The following NKAIN3 variants were observed in gnomAD, a reference collection of about 807,000 sequenced individuals.
NKAIN3 encodes sodium/potassium transporting ATPase interacting 3, also known as sodium/potassium-transporting ATPase subunit beta-1-interacting protein 3.
In NKAIN3, 25 loss-of-function variants were observed where a neutral mutation model predicts 30.2. The ratio of observed to expected loss-of-function variants is 0.83; its 90% confidence interval spans 0.60 to 1.16. NKAIN3 has a LOEUF of 1.16. Among genes scored for constraint, NKAIN3 ranks in the 50% most tolerant of loss-of-function variants. The probability of loss-of-function intolerance (pLI) is 0.00; values close to 1 mark genes in which losing one functional copy is unlikely to be tolerated. For missense variants in NKAIN3, 225 were observed against 254.1 expected, an observed-to-expected ratio of 0.89 and a Z score of 0.78; for synonymous variants, 91 against 89.6, an observed-to-expected ratio of 1.02 and a Z score of -0.09.
chr8:62,844,616 A>G (rs1469488949), intron 4 of NKAIN3, among the ~76,000 whole-genome samples: 1 of 152,196 alleles, frequency 6.6e-6, no homozygotes, highest in Non-Finnish European at 1.5e-5. Context: ...ACAGATATTG[A>G]TAGTTGAGCC....
intron 1 of NKAIN3, among the ~76,000 whole-genome samples, chr8:62,402,860 G>GTAAC (rs1233861753): frequency 2.0e-5 from 3 of 152,196 alleles, no homozygotes; most frequent in Non-Finnish European, 4.4e-5. Context: ...TTGGAACTGG[G>GTAAC]TAACAGGCAG....
intron 1 of NKAIN3, among the ~76,000 whole-genome samples, chr8:62,301,009 G>A (rs946372167): frequency 1.3e-5 from 2 of 152,032 alleles, no homozygotes; most frequent in African/African-American, 2.4e-5. Flanking sequence ...ACTATGAACA[G>A]AAGACTATCA....
intron 5 of NKAIN3, among the ~76,000 whole-genome samples, chr8:62,991,476 GA>G (rs1229383937): frequency 6.6e-5 from 10 of 152,320 alleles, no homozygotes; most frequent in Non-Finnish European, 1.2e-4. Context: ...AATCCTTTGA[GA>G]ATATACAGAT....
intron 1 of NKAIN3, among the ~76,000 whole-genome samples, chr8:62,481,939 A>T (rs1241143031): frequency 1.3e-5 from 2 of 152,184 alleles, no homozygotes; most frequent in Non-Finnish European, 2.9e-5. Flanking sequence ...TGGCCACAGT[A>T]GCTCACCAGC....
intron 4 of NKAIN3, among the ~76,000 whole-genome samples, chr8:62,769,958 G>A (rs1412015773): frequency 6.6e-6 from 1 of 152,140 alleles, no homozygotes. Context: ...TCCCCTTATA[G>A]TACTCATGCC....
chr8:62,404,638 C>G (rs184197848), intron 1 of NKAIN3, among the ~76,000 whole-genome samples: 83 of 152,260 alleles, frequency 5.5e-4, no homozygotes, highest in African/African-American at 1.9e-3. Flanking sequence ...CATGGAGCCT[C>G]CCCTGCCCTG....
chr8:62,888,056 G>A (rs1012985353), intron 4 of NKAIN3, among the ~76,000 whole-genome samples: 6 of 152,120 alleles, frequency 3.9e-5, no homozygotes, highest in African/African-American at 1.4e-4. Flanking sequence ...TTACAGCCTT[G>A]CGATTAAGTC....
intron 1 of NKAIN3, among the ~76,000 whole-genome samples, chr8:62,450,121 A>G (rs1327385173): frequency 6.6e-6 from 1 of 152,218 alleles, no homozygotes; most frequent in Non-Finnish European, 1.5e-5. Context: ...AACAAAATCC[A>G]TCTAGATTTA....
At chr8:62,788,592 G>T (rs1817600006) in intron 4 of NKAIN3, among the ~76,000 whole-genome samples, 1 of 152,118 alleles carries the variant, frequency 6.6e-6, no homozygotes, top group Non-Finnish European at 1.5e-5. Flanking sequence ...TGGTGTTTTA[G>T]ACATGAAGTC....
intron 1 of NKAIN3, among the ~76,000 whole-genome samples, chr8:62,297,815 A>G (rs1463626174): frequency 1.3e-5 from 2 of 152,200 alleles, no homozygotes; most frequent in African/African-American, 2.4e-5. Flanking sequence ...CAGCCATCCC[A>G]TTACTGGGTA....
At chr8:62,492,672 A>G (rs537877278) in intron 1 of NKAIN3, among the ~76,000 whole-genome samples, 2 of 152,276 alleles carry the variant, frequency 1.3e-5, no homozygotes, top group South Asian at 4.1e-4. Flanking sequence ...TTTTCTACCA[A>G]TTTTGAAATT....
intron 2 of NKAIN3, among the ~76,000 whole-genome samples, chr8:62,585,329 C>T (rs917343178): frequency 1.3e-5 from 2 of 152,150 alleles, no homozygotes; most frequent in Admixed American, 1.3e-4. Context: ...CTTCCAGGTA[C>T]CATCACACTA....
chr8:62,889,296 G>T (rs1821232569), intron 4 of NKAIN3, among the ~76,000 whole-genome samples: 1 of 152,014 alleles, frequency 6.6e-6, no homozygotes, highest in Non-Finnish European at 1.5e-5. Context: ...CTTGAACCTG[G>T]GAGGCGGAGG....
At position 62,378,897 on chromosome 8, in the gene NKAIN3, A is replaced by G. The variant is rs1384320624; in HGVS notation, c.54+129770A>G. Among the ~76,000 whole-genome samples the G allele has an allele frequency of 2.6e-5, 4 of 152,156 alleles. No homozygotes were observed. In the South Asian group the frequency reaches 6.2e-4, roughly 24 times the overall value. On this transcript the variant is annotated intron_variant, in intron 1 of 6. Coordinates refer to ENST00000623646, the MANE Select transcript of NKAIN3 (RefSeq NM_001304533.3). ...GTGGAACTCTGAGAAGAGGGCCATC[A>G]TCCTCCAGAGCCCAGAATGGTAGAT...
At chr8:62,918,824 T>G (rs1380777273) in intron 5 of NKAIN3, among the ~76,000 whole-genome samples, 1 of 152,184 alleles carries the variant, frequency 6.6e-6, no homozygotes, top group Non-Finnish European at 1.5e-5. Flanking sequence ...AGTCAGCGGT[T>G]GTTTTACCTA....
chr8:62,881,760 G>A (rs562557725), intron 4 of NKAIN3, among the ~76,000 whole-genome samples: 122 of 152,318 alleles, frequency 8.0e-4, no homozygotes, highest in African/African-American at 2.9e-3. Flanking sequence ...CAAAAGGCGT[G>A]ATTGCTGGAT....
intron 3 of NKAIN3, among the ~76,000 whole-genome samples, chr8:62,594,313 A>G (rs1382938171): frequency 6.6e-6 from 1 of 152,020 alleles, no homozygotes; most frequent in African/African-American, 2.4e-5. Context: ...TTAAATTGAC[A>G]TCTATGTTTT....
chr8:62,937,516 T>C (rs1169836341), intron 5 of NKAIN3, among the ~76,000 whole-genome samples: 1 of 152,070 alleles, frequency 6.6e-6, no homozygotes, highest in African/African-American at 2.4e-5. Context: ...GGAAGAGCCC[T>C]GTAAGGACTC....
chr8:62,997,484 A>C (rs1038811262), intron 5 of NKAIN3, among the ~76,000 whole-genome samples: 1 of 152,310 alleles, frequency 6.6e-6, no homozygotes, highest in African/African-American at 2.4e-5. Flanking sequence ...AAAGTGATAA[A>C]GAAAAACAAA....
Sources: allele counts gnomAD v4.1 joint callset (sites outside exome capture counted in the v4.1 genomes callset), GRCh38; gene constraint gnomAD v4.1.1; transcripts MANE v1.5; gene names NCBI Gene and HGNC (gene_info 2026-07-23, HGNC 2026-07-21).